TPPP: variants seen among roughly 807,000 people sequenced by gnomAD.
TPPP encodes the protein tubulin polymerization-promoting protein.
Under a neutral mutation model 15.5 loss-of-function variants are expected in TPPP, and 6 were observed. That is an observed-to-expected ratio of 0.39 (90% CI 0.21 to 0.77). The LOEUF (loss-of-function observed/expected upper bound fraction) is 0.77, where lower values mean the gene tolerates loss of function less well. Ranked by LOEUF, TPPP falls within the 30% of genes least tolerant of loss-of-function variation. The pLI is 0.42. For missense variants in TPPP, 269 were observed against 307.2 expected, an observed-to-expected ratio of 0.88 and a Z score of 0.93; for synonymous variants, 146 against 133.9, an observed-to-expected ratio of 1.09 and a Z score of -0.63.
chr5:678,190 T>C, intron 1 of TPPP, 126 bp from the exon 2 acceptor site: 1 of 1,006,778 alleles, frequency 9.9e-7, no homozygotes. Flanking sequence ...GGGCAGGCCC[T>C]CCTGGGGCTG....
intron 2 of TPPP, among the ~76,000 whole-genome samples, chr5:669,779 GGA>G (rs1344163801): frequency 6.6e-6 from 1 of 152,076 alleles, no homozygotes; most frequent in African/African-American, 2.4e-5. Flanking sequence ...ACACGGGCGG[GGA>G]GCTCTCCCCA....
rs887661198 is a variant in TPPP, at chr5:664,983, C to G, written c.*119G>C. ...AGGCCTGGGCCTGGCCGCCCCCCAGCCCCCTCTGGGGCACCCGTCTGAGTT... is the reference window on the plus strand; with the variant it reads ...AGGCCTGGGCCTGGCCGCCCCCCAGGCCCCTCTGGGGCACCCGTCTGAGTT... On this transcript the variant is annotated 3_prime_UTR_variant, in exon 4 of 4. Transcript: ENST00000360578. 92 of 1,265,878 alleles carry G rather than the reference C, an allele frequency of 7.3e-5. No homozygotes were observed. Among genetic ancestry groups the G allele is most frequent in the Non-Finnish European group, 9.3e-5 (86 of 920,214 alleles). 78.4% of individuals were successfully genotyped at this position (1,265,878 alleles called of 1,614,324 possible). A position where few individuals can be genotyped will look rare whatever the true frequency, so the allele number is the denominator to read the frequency against.
At position 672,211 on chromosome 5, in the gene TPPP, G is replaced by GGA. The variant is rs369217273; in HGVS notation, c.311+5538_311+5539insTC. 2.4e-3 allele frequency among the ~76,000 whole-genome samples: 370 copies of GGA among 152,138 alleles called. 1 individual carries two copies. The highest frequency in any genetic ancestry group is 8.4e-3 in the African/African-American group (347 of 41,514). On this transcript the variant is annotated intron_variant, in intron 2 of 3. Coordinates refer to ENST00000360578, the MANE Select transcript of TPPP (RefSeq NM_007030.3). ...CCACAGACCCCAGTGCCGGCTGGCC[G>GGA]GGGGGGTGTACCAGGCTCAGCAGCC... is the stretch of plus-strand genomic sequence containing the variant.
chr5:668,556 C>G (rs1016473186), intron 2 of TPPP, among the ~76,000 whole-genome samples: 2 of 152,224 alleles, frequency 1.3e-5, no homozygotes, highest in African/African-American at 4.8e-5. Context: ...ATCAAATAAA[C>G]TGCCGGCACC....
intron 1 of TPPP, among the ~76,000 whole-genome samples, chr5:683,068 G>C (rs187032517): frequency 6.6e-6 from 1 of 150,778 alleles, no homozygotes. Context: ...AGGCCAGGGT[G>C]TGACCTCTGA....
At chr5:668,194 G>A (rs75783973) in intron 2 of TPPP, among the ~76,000 whole-genome samples, 26 of 91,250 alleles carry the variant, frequency 2.8e-4, no homozygotes, top group Admixed American at 5.3e-4. Flanking sequence ...CGTGGGCGCC[G>A]TCAGGGAAGT....
At chr5:670,225 G>A (rs544280385) in intron 2 of TPPP, among the ~76,000 whole-genome samples, 29 of 152,272 alleles carry the variant, frequency 1.9e-4, no homozygotes, top group South Asian at 4.1e-4. Flanking sequence ...CGCTGGGCTC[G>A]GGACTGTGCA....
intron 2 of TPPP, among the ~76,000 whole-genome samples, chr5:677,536 C>G (rs1178067161): frequency 6.6e-6 from 1 of 152,220 alleles, no homozygotes; most frequent in Non-Finnish European, 1.5e-5. Flanking sequence ...GGCCTCGGCA[C>G]CGAGAAGTCC....
At chr5:684,073 G>T (rs376212541) in intron 1 of TPPP, among the ~76,000 whole-genome samples, 2 of 152,180 alleles carry the variant, frequency 1.3e-5, no homozygotes, top group Non-Finnish European at 2.9e-5. Context: ...CCCCACTGCC[G>T]GAACAGGACC....
At chr5:669,271 G>A (rs902396175) in intron 2 of TPPP, among the ~76,000 whole-genome samples, 4 of 136,918 alleles carry the variant, frequency 2.9e-5, no homozygotes, top group African/African-American at 8.2e-5. Context: ...CCCAGGGGGC[G>A]CTGGTGAGCC....
chr5:688,465 C>T (rs1365750346), intron 1 of TPPP, among the ~76,000 whole-genome samples: 2 of 151,936 alleles, frequency 1.3e-5, no homozygotes, highest in Non-Finnish European at 2.9e-5. Flanking sequence ...AGGTTAAAAA[C>T]AGGCAAAGCC....
intron 2 of TPPP, among the ~76,000 whole-genome samples, chr5:669,751 C>T (rs1172370148): frequency 7.9e-5 from 12 of 152,178 alleles, no homozygotes; most frequent in South Asian, 2.1e-4. Flanking sequence ...GGGGAAAGGG[C>T]GCCCGGGTCT....
chr5:692,567 C>G (rs951943166), intron 1 of TPPP: 1 of 982,140 alleles, frequency 1.0e-6, no homozygotes, highest in African/African-American at 1.8e-5. Flanking sequence ...TCACCTCCCT[C>G]GGCTCCGTTT....
At chr5:673,990 T>G (rs1740313971) in intron 2 of TPPP, among the ~76,000 whole-genome samples, 2 of 152,216 alleles carry the variant, frequency 1.3e-5, no homozygotes, top group African/African-American at 4.8e-5. Context: ...CGCCATAGTT[T>G]GAAAGCAACT....
chr5:663,744 G>T lies in TPPP; in HGVS notation c.*1358C>A. On this transcript the variant is annotated 3_prime_UTR_variant, in exon 4 of 4. Coordinates refer to ENST00000360578, the MANE Select transcript of TPPP (RefSeq NM_007030.3). The stretch of plus-strand genomic sequence containing the variant: ...TGGCCAGAGCCTGACCGTAGCCACG[G>T]GCTAACAGGCTCTGGAAAAGTTTCC... The T allele has an allele frequency of 6.6e-6, 1 of 152,558 alleles. No individual in the cohort carries two copies. The highest frequency in any genetic ancestry group is 1.5e-5 in the Non-Finnish European group (1 of 68,154). The allele number at this position is 152,558 out of a possible 1,614,324, so 9.5% of individuals were successfully genotyped here. A position where few individuals can be genotyped will look rare whatever the true frequency, so the allele number is the denominator to read the frequency against.
chr5:674,736 G>A (rs1248667377), intron 2 of TPPP, among the ~76,000 whole-genome samples: 1 of 151,926 alleles, frequency 6.6e-6, no homozygotes, highest in Non-Finnish European at 1.5e-5. Flanking sequence ...TTCCAGCAGG[G>A]GATGGCAGGC....
intron 1 of TPPP, among the ~76,000 whole-genome samples, chr5:684,596 T>TA (rs1740717777): frequency 6.6e-6 from 1 of 151,086 alleles, no homozygotes; most frequent in African/African-American, 2.4e-5. Flanking sequence ...TTCTAGGACC[T>TA]GGAGCCCTGC....
intron 1 of TPPP, among the ~76,000 whole-genome samples, chr5:682,637 C>T (rs1337234784): frequency 1.3e-5 from 2 of 152,010 alleles, no homozygotes; most frequent in Non-Finnish European, 2.9e-5. Flanking sequence ...CGCCAGGGGT[C>T]TGCCCCTTGG....
intron 1 of TPPP, among the ~76,000 whole-genome samples, chr5:686,119 T>C (rs397437): frequency 2.6e-4 from 39 of 152,296 alleles, no homozygotes; most frequent in South Asian, 6.2e-4. Context: ...GCCCACCACC[T>C]GGGCCAACAC....
Sources: gnomAD v4.1 joint callset for allele counts (sites outside exome capture counted in the v4.1 genomes callset) on GRCh38, gnomAD v4.1.1 for gene constraint, MANE v1.5 for transcripts, NCBI Gene and HGNC (gene_info 2026-07-23, HGNC 2026-07-21) for gene names.